SPATA13: variants seen among roughly 807,000 people sequenced by gnomAD.
SPATA13 encodes spermatogenesis associated 13, also known as spermatogenesis-associated protein 13.
A neutral mutation model predicts 104.0 loss-of-function variants in SPATA13; 50 were observed. The ratio of observed to expected loss-of-function variants is 0.48; its 90% CI spans 0.38 to 0.61. The LOEUF is 0.61. SPATA13 is among the 20% of genes least tolerant of loss of function. The probability of loss-of-function intolerance (pLI) is 0.00; values close to 1 mark genes in which losing one functional copy is unlikely to be tolerated. For synonymous variants in SPATA13, 606 were observed against 667.5 expected, an observed-to-expected ratio of 0.91 and a Z score of 1.42; for missense variants, 1,524 against 1,690.6, an observed-to-expected ratio of 0.90 and a Z score of 1.73.
intron 3 of SPATA13, among the ~76,000 whole-genome samples, chr13:24,108,307 C>T (rs900221247): frequency 6.6e-6 from 1 of 152,276 alleles, no homozygotes; most frequent in Non-Finnish European, 1.5e-5. Context: ...CACAGCAGTG[C>T]TTCCTCTGAT....
At chr13:24,194,457 G>T (rs1281381197) in intron 1 of SPATA13, among the ~76,000 whole-genome samples, 2 of 152,150 alleles carry the variant, frequency 1.3e-5, no homozygotes. Context: ...CTGACAGAGC[G>T]AACCATCCAG....
intron 3 of SPATA13, among the ~76,000 whole-genome samples, chr13:24,045,528 T>C (rs1878111692): frequency 6.6e-6 from 1 of 152,254 alleles, no homozygotes; most frequent in African/African-American, 2.4e-5. Context: ...TTTTAAATTG[T>C]TACAAACATT....
chr13:24,053,385 A>T (rs1168006354), intron 3 of SPATA13, among the ~76,000 whole-genome samples: 1 of 152,192 alleles, frequency 6.6e-6, no homozygotes, highest in Non-Finnish European at 1.5e-5. Flanking sequence ...TGGCTGATTC[A>T]CGTGGAGTTC....
At chr13:24,258,510 T>C (rs1372782044) in intron 4 of SPATA13, among the ~76,000 whole-genome samples, 1 of 151,058 alleles carries the variant, frequency 6.6e-6, no homozygotes, top group African/African-American at 2.4e-5. Flanking sequence ...CTACTAAAAA[T>C]ACAAAAAAAT....
In SPATA13 at chr13:24,306,468, C is replaced by T. The variant is rs1877582781; in HGVS notation, c.*3695C>T. On this transcript the variant is annotated 3_prime_UTR_variant, in exon 13 of 13. Transcript: ENST00000382108. ...AATGTCCTTTCACCAGCTCACAGGCCAGAAATGGAGGACCCAAGTCAACTA... is the reference window on the plus strand; with the variant it reads ...AATGTCCTTTCACCAGCTCACAGGCTAGAAATGGAGGACCCAAGTCAACTA... 1 of 152,124 alleles carries T rather than the reference C, an allele frequency of 6.6e-6. No homozygotes were observed. The highest frequency in any genetic ancestry group is 1.5e-5 in the Non-Finnish European group (1 of 68,036). The allele number at this position is 152,124 out of a possible 1,614,324, so 9.4% of individuals were successfully genotyped here. A position where few individuals can be genotyped will look rare whatever the true frequency, so the allele number is the denominator to read the frequency against.
At chr13:24,191,440 C>T (rs1197552689) in intron 1 of SPATA13, among the ~76,000 whole-genome samples, 1 of 150,574 alleles carries the variant, frequency 6.6e-6, no homozygotes, top group African/African-American at 2.4e-5. Context: ...GGTCTGGAAC[C>T]AAACCTGCAA....
At chr13:24,021,462 C>T (rs929708564) in intron 3 of SPATA13, among the ~76,000 whole-genome samples, 3 of 152,192 alleles carry the variant, frequency 2.0e-5, no homozygotes, top group Admixed American at 6.5e-5. Flanking sequence ...CACTCTACTC[C>T]AGTCTGGGTG....
intron 3 of SPATA13, among the ~76,000 whole-genome samples, chr13:24,105,666 AG>A: frequency 6.6e-6 from 1 of 152,304 alleles, no homozygotes; most frequent in East Asian, 1.9e-4. Context: ...AGCACATAAA[AG>A]CTCTCTGTTA....
rs1882443242 is a variant in SPATA13 at position 24,160,850 on chromosome 13, C to T, written c.-194C>T. 7 of 984,884 alleles carry T rather than the reference C, an allele frequency of 7.1e-6. No homozygotes were observed. Among genetic ancestry groups the T allele is most frequent in the Non-Finnish European group, 8.4e-6 (7 of 829,466 alleles). The allele number at this position is 984,884 out of a possible 1,614,324, so 61.0% of individuals were successfully genotyped here. Reference sequence around the variant, plus strand: ...CGAGAGTGCGGCGACCTCGGGGCTCCGCCGGCACCGGAGGTGGCTCTGAGG... The same window carrying T: ...CGAGAGTGCGGCGACCTCGGGGCTCTGCCGGCACCGGAGGTGGCTCTGAGG... On this transcript the variant is annotated 5_prime_UTR_variant, in exon 1 of 13. Coordinates refer to ENST00000382108, the MANE Select transcript of SPATA13 (RefSeq NM_001166271.3).
intron 1 of SPATA13, among the ~76,000 whole-genome samples, chr13:24,217,081 C>CA (rs560059594): frequency 6.6e-6 from 1 of 151,212 alleles, no homozygotes; most frequent in Non-Finnish European, 1.5e-5. Flanking sequence ...AAAACAAAAA[C>CA]AAAAAAAAGG....
intron 3 of SPATA13, among the ~76,000 whole-genome samples, chr13:24,046,021 T>C (rs565222474): frequency 6.6e-6 from 1 of 152,200 alleles, no homozygotes; most frequent in Non-Finnish European, 1.5e-5. Flanking sequence ...TACTACCTTG[T>C]AAAAAATACA....
At chr13:24,249,427 T>C in intron 2 of SPATA13, 50 bp from the exon 3 acceptor site, 3 of 1,461,932 alleles carry the variant, frequency 2.1e-6, no homozygotes, top group Non-Finnish European at 2.7e-6. Flanking sequence ...TGTTCTTTCT[T>C]TAATACCTTC....
rs540833245 is a variant in SPATA13 at position 24,141,420 on chromosome 13, A to C, written c.-111-81399A>C. Among the ~76,000 whole-genome samples the C allele has an allele frequency of 4.9e-4, 74 of 152,236 alleles. 1 individual carries two copies. The highest frequency in any genetic ancestry group is 1.7e-3 in the African/African-American group (72 of 41,538). On this transcript the variant is annotated intron_variant, in intron 3 of 14. Transcript: ENST00000424834. ...CGTTGGGCCTTGCTAATGCATTTGA[A>C]TCTTCTGCCTTTTCCTGCTTCCCTC...
Position 24,249,703 on chromosome 13 carries a change from C to T in SPATA13, c.1880C>T (p.Thr627Ile). ...GACGAGGACCCCCAGGCAAGCATGA[C>T]TTCTGCCAGCCCTGAAGACCAGAAT... ...RVDEDPQASMTSASPEDQNAP... is the reference protein window; with the variant it reads ...RVDEDPQASMISASPEDQNAP... The change falls in exon 3 of 13, where the codon ACT becomes ATT. Residue 627 changes from threonine to isoleucine, a missense_variant. By Grantham distance (89) the Thr-to-Ile change is moderately conservative. Coordinates refer to ENST00000382108, the MANE Select transcript of SPATA13 (RefSeq NM_001166271.3). The T allele has an allele frequency of 6.2e-7, 1 of 1,613,612 alleles. No individual in the cohort carries two copies. The highest frequency in any genetic ancestry group is 8.5e-7 in the Non-Finnish European group (1 of 1,179,814).
chr13:24,110,743 G>A (rs1412655435), intron 3 of SPATA13, among the ~76,000 whole-genome samples: 3 of 152,110 alleles, frequency 2.0e-5, no homozygotes, highest in East Asian at 1.9e-4. Flanking sequence ...TAGGATAACT[G>A]AGCAATAATT....
chr13:24,165,514 TC>T (rs2138494566), intron 1 of SPATA13, among the ~76,000 whole-genome samples: 1 of 152,286 alleles, frequency 6.6e-6, no homozygotes, highest in Non-Finnish European at 1.5e-5. Context: ...CAAGCTGCCT[TC>T]CTGGGTTCCT....
intron 9 of SPATA13, among the ~76,000 whole-genome samples, chr13:24,292,325 G>A (rs1439621769): frequency 6.6e-6 from 1 of 152,212 alleles, no homozygotes; most frequent in Non-Finnish European, 1.5e-5. Context: ...AGGTAGCAGT[G>A]CTTGGCTAAT....
intron 3 of SPATA13, among the ~76,000 whole-genome samples, chr13:24,025,087 T>A (rs558678888): frequency 6.6e-6 from 1 of 151,824 alleles, no homozygotes; most frequent in Admixed American, 6.6e-5. Context: ...CACAGTCCTG[T>A]CTTCTTTCTA....
intron 4 of SPATA13, among the ~76,000 whole-genome samples, chr13:24,264,521 T>C (rs1874203264): frequency 6.6e-6 from 1 of 152,274 alleles, no homozygotes. Context: ...CTTTCCATTC[T>C]ATTCAGTTTC....
Sources: allele counts gnomAD v4.1 joint callset (sites outside exome capture counted in the v4.1 genomes callset), GRCh38; gene constraint gnomAD v4.1.1; transcripts MANE v1.5; gene names NCBI Gene and HGNC (gene_info 2026-07-23, HGNC 2026-07-21).